Variants in FMR1 observed in about 807,000 individuals in gnomAD.
The protein encoded by FMR1 is FMRP translational regulator 1.
In FMR1, 13 loss-of-function variants were observed where a neutral mutation model predicts 50.6. The ratio of observed to expected loss-of-function variants is 0.26; its 90% CI spans 0.17 to 0.41. The LOEUF (loss-of-function observed/expected upper bound fraction) is 0.41. FMR1 is among the 10% of genes least tolerant of loss of function. FMR1 has a pLI of 1.00. For missense variants in FMR1, 316 were observed against 491.3 expected, an observed-to-expected ratio of 0.64 and a Z score of 3.37; for synonymous variants, 138 against 164.1, an observed-to-expected ratio of 0.84 and a Z score of 1.22.
chrX:147,925,475 A>G (rs782556646), intron 2 of FMR1, 65 bp from the exon 3 acceptor site: 2 of 821,904 alleles, frequency 2.4e-6, no homozygotes, highest in East Asian at 6.3e-5. Context: ...TTGATGGCAG[A>G]GTGGTCATTA....
chrX:147,926,619 C>T (rs782758686), intron 3 of FMR1, among the ~76,000 whole-genome samples: 117 of 110,734 alleles, frequency 1.1e-3, no homozygotes, highest in Non-Finnish European at 1.2e-3. Context: ...TCCTGAGTAG[C>T]TGGGATTACA....
At chrX:147,924,533 A>G (rs1298857977) in intron 2 of FMR1, among the ~76,000 whole-genome samples, 2 of 99,169 alleles carry the variant, frequency 2.0e-5, no homozygotes, top group Non-Finnish European at 4.0e-5. Context: ...TTTTTTAAAG[A>G]CAGGATCTCA....
chrX:147,936,749 T>C, intron 10 of FMR1, 136 bp downstream of exon 10: 4 of 486,629 alleles, frequency 8.2e-6, no homozygotes, highest in South Asian at 6.0e-5. Flanking sequence ...CTGTAATTAA[T>C]GTTATAATTG....
chrX:147,932,244 T>C (rs1431002447), intron 7 of FMR1, among the ~76,000 whole-genome samples, 181 bp from the exon 8 acceptor site: 2 of 112,011 alleles, frequency 1.8e-5, no homozygotes, highest in Non-Finnish European at 3.8e-5. Context: ...AGACCTTTAG[T>C]AACCTAAAAA....
chrX:147,933,541 G>A (rs890481608), intron 9 of FMR1: 9 of 905,148 alleles, frequency 9.9e-6, no homozygotes, highest in Non-Finnish European at 1.2e-5. Flanking sequence ...CATCACCATC[G>A]TGAGTATCAG....
chrX:147,950,894 C>T lies in FMR1; in HGVS notation c.*2050C>T, dbSNP rs1557183640. The T allele has an allele frequency of 3.4e-6, 1 of 298,202 alleles. No individual in the cohort carries two copies. 24.6% of individuals were successfully genotyped at this position (298,202 alleles called of 1,213,427 possible). A position where few individuals can be genotyped will look rare whatever the true frequency, so the allele number is the denominator to read the frequency against. On this transcript the variant is annotated 3_prime_UTR_variant, in exon 17 of 17. Transcript: ENST00000370475. ...TTTACAAAGGCTGTATTCAGCAAGGCGCTAACTTGCTTAAATGTGAATTAC... is the reference window on the plus strand; with the variant it reads ...TTTACAAAGGCTGTATTCAGCAAGGTGCTAACTTGCTTAAATGTGAATTAC...
chrX:147,938,324 A>T (rs1205064226), intron 12 of FMR1, among the ~76,000 whole-genome samples, 163 bp downstream of exon 12: 7 of 112,009 alleles, frequency 6.2e-5, no homozygotes, highest in Admixed American at 4.7e-4. Context: ...AAACACCTTC[A>T]TGCCGCTTGT....
At chrX:147,942,378 A>T (rs782233821) in intron 13 of FMR1, among the ~76,000 whole-genome samples, 2 of 112,111 alleles carry the variant, frequency 1.8e-5, no homozygotes, top group Non-Finnish European at 3.8e-5. Context: ...AACCCAACAT[A>T]CTGGAAGTGC....
chrX:147,929,303 T>C (rs1287334503), intron 5 of FMR1, among the ~76,000 whole-genome samples: 2 of 112,103 alleles, frequency 1.8e-5, no homozygotes, highest in African/African-American at 6.5e-5. Flanking sequence ...TTTTATTTTT[T>C]ACAGATTTTA....
At chrX:147,932,634 A>T in intron 8 of FMR1, 39 bp downstream of exon 8, 3 of 1,193,055 alleles carry the variant, frequency 2.5e-6, no homozygotes, top group Non-Finnish European at 3.4e-6. Flanking sequence ...TCCCCAAACA[A>T]GTATTTCAGC....
Position 147,949,456 on chromosome X carries a change from G to C in FMR1, c.*612G>C. On this transcript the variant is annotated 3_prime_UTR_variant, in exon 17 of 17. Coordinates refer to ENST00000370475, the MANE Select transcript of FMR1 (RefSeq NM_002024.6). ...TGCAGAGTTCAGGGAAGATAAGTTG[G>C]AAACACTAAATGTTAAAGATGTAGC... is the stretch of plus-strand genomic sequence containing the variant. 3.0e-6 allele frequency: 1 copy of C among 329,404 alleles called. No individual in the cohort carries two copies. The highest frequency in any genetic ancestry group is 5.9e-6 in the Non-Finnish European group (1 of 169,900). The allele number at this position is 329,404 out of a possible 1,213,427, so 27.1% of individuals were successfully genotyped here.
At chrX:147,934,251 T>G (rs1285974132) in intron 9 of FMR1, among the ~76,000 whole-genome samples, 2 of 110,195 alleles carry the variant, frequency 1.8e-5, no homozygotes, top group African/African-American at 3.3e-5. Flanking sequence ...TGTGTCAGAT[T>G]CATTAAAGTT....
At chrX:147,938,610 T>C (rs2043871302) in intron 12 of FMR1, among the ~76,000 whole-genome samples, 1 of 111,766 alleles carries the variant, frequency 8.9e-6, no homozygotes, top group Admixed American at 9.5e-5. Flanking sequence ...CCCTTCTGTT[T>C]TGCAATGTGC....
chrX:147,933,448 C>A, intron 9 of FMR1: 1 of 993,826 alleles, frequency 1.0e-6, no homozygotes, highest in East Asian at 4.1e-5. Flanking sequence ...AGTTCCAAAG[C>A]TAGAAGAAAC....
At chrX:147,915,913 T>G (rs782614202) in intron 1 of FMR1, among the ~76,000 whole-genome samples, 1 of 112,485 alleles carries the variant, frequency 8.9e-6, no homozygotes, top group African/African-American at 3.2e-5. Context: ...TTGGTTTGAT[T>G]TCCTGCTTAG....
rs782244397 is a variant in FMR1, at chrX:147,951,088, T to G, written c.*2244T>G. The G allele has an allele frequency of 4.3e-6, 1 of 231,146 alleles. No individual in the cohort carries two copies. Among genetic ancestry groups the G allele is most frequent in the South Asian group, 4.5e-5 (1 of 22,433 alleles). 19.0% of individuals were successfully genotyped at this position (231,146 alleles called of 1,213,427 possible). On this transcript the variant is annotated 3_prime_UTR_variant, in exon 17 of 17. Transcript: ENST00000370475. ...TGAAGATTGTTTATCTAGATGTAAA[T>G]TTTTATTAAAAAGTTGCACTTATGA... is the stretch of plus-strand genomic sequence containing the variant.
At chrX:147,936,975 A>G (rs1307696524) in intron 10 of FMR1, among the ~76,000 whole-genome samples, 1 of 111,862 alleles carries the variant, frequency 8.9e-6, no homozygotes, top group Non-Finnish European at 1.9e-5. Context: ...ACAAAAGCAA[A>G]ATTGGAACAC....
chrX:147,951,024 T>C lies in FMR1; in HGVS notation c.*2180T>C. ...AACGTGTATGTTTTTCAGTTCAAAGTCATGATGTTTTTAAAATCTTATTAA... is the reference window on the plus strand; with the variant it reads ...AACGTGTATGTTTTTCAGTTCAAAGCCATGATGTTTTTAAAATCTTATTAA... On this transcript the variant is annotated 3_prime_UTR_variant, in exon 17 of 17. Transcript: ENST00000370475. 1.2e-5 allele frequency: 3 copies of C among 245,048 alleles called. No homozygotes were observed. Among genetic ancestry groups the C allele is most frequent in the Non-Finnish European group, 2.3e-5 (3 of 129,447 alleles). 20.2% of individuals were successfully genotyped at this position (245,048 alleles called of 1,213,427 possible). A position where few individuals can be genotyped will look rare whatever the true frequency, so the allele number is the denominator to read the frequency against.
chrX:147,921,191 C>T (rs2124466069), intron 1 of FMR1, among the ~76,000 whole-genome samples: 1 of 111,967 alleles, frequency 8.9e-6, no homozygotes, highest in African/African-American at 3.2e-5. Flanking sequence ...CAAAAACCTT[C>T]CTTTTCTGTA....
Sources: allele counts gnomAD v4.1 joint callset (sites outside exome capture counted in the v4.1 genomes callset), GRCh38; gene constraint gnomAD v4.1.1; transcripts MANE v1.5; gene names NCBI Gene and HGNC (gene_info 2026-07-23, HGNC 2026-07-21).